ZNF90: variants seen among roughly 807,000 people sequenced by gnomAD.
ZNF90 encodes zinc finger protein 90.
Under a neutral mutation model 12.0 loss-of-function variants are expected in ZNF90, and 11 were observed. The observed-to-expected ratio is 0.92, with a 90% CI of 0.58 to 1.52. ZNF90 has a LOEUF of 1.52. ZNF90 is among the 40% of genes most tolerant of loss of function. ZNF90 has a pLI of 0.00. For synonymous variants in ZNF90, 232 were observed against 240.1 expected, an observed-to-expected ratio of 0.97 and a Z score of 0.31; for missense variants, 765 against 711.5, an observed-to-expected ratio of 1.08 and a Z score of -0.86.
chr19:20,098,602 G>A (rs958255368), intron 1 of ZNF90, among the ~76,000 whole-genome samples: 1 of 152,190 alleles, frequency 6.6e-6, no homozygotes, highest in Non-Finnish European at 1.5e-5. Context: ...GGAGATCCAG[G>A]TTCTGGAGCT....
intron 1 of ZNF90, among the ~76,000 whole-genome samples, chr19:20,093,471 G>C (rs868911461): frequency 3.3e-5 from 5 of 152,086 alleles, no homozygotes; most frequent in African/African-American, 9.7e-5. Context: ...GGGCTAAGGT[G>C]GGGGGATATG....
intron 1 of ZNF90, among the ~76,000 whole-genome samples, chr19:20,083,546 T>C (rs2088836950): frequency 6.6e-6 from 1 of 152,052 alleles, no homozygotes. Flanking sequence ...AGGATGGTCT[T>C]AAGCTCCCGA....
chr19:20,117,397 C>CTCCTTCCTTCCTTTCTTCCT (rs2089148480), intron 3 of ZNF90, among the ~76,000 whole-genome samples: 1 of 91,346 alleles, frequency 1.1e-5, no homozygotes, highest in Admixed American at 1.1e-4. Context: ...CTTTTCTTTT[C>CTCCTTCCTTCCTTTCTTCCT]TCCTTCCTTC....
At chr19:20,089,433 G>T (rs1384137699) in intron 1 of ZNF90, among the ~76,000 whole-genome samples, 1 of 152,164 alleles carries the variant, frequency 6.6e-6, no homozygotes. Context: ...GTAATATGCA[G>T]CTGGAAGGCT....
At chr19:20,103,169 C>T (rs1163522931) in intron 1 of ZNF90, among the ~76,000 whole-genome samples, 2 of 152,078 alleles carry the variant, frequency 1.3e-5, no homozygotes, top group African/African-American at 2.4e-5. Context: ...CTCTGGGAGC[C>T]CACGCTGTTT....
chr19:20,086,516 G>T (rs1459836424), intron 1 of ZNF90, among the ~76,000 whole-genome samples: 1 of 151,950 alleles, frequency 6.6e-6, no homozygotes, highest in Non-Finnish European at 1.5e-5. Flanking sequence ...GATTACAGGG[G>T]TGAGCCATAA....
At chr19:20,103,542 C>G (rs2122505531) in intron 1 of ZNF90, among the ~76,000 whole-genome samples, 1 of 152,328 alleles carries the variant, frequency 6.6e-6, no homozygotes, top group Non-Finnish European at 1.5e-5. Flanking sequence ...TAACAGATTT[C>G]TTTCACTATA....
chr19:20,114,559 G>C (rs1211682454), intron 3 of ZNF90, among the ~76,000 whole-genome samples: 1 of 151,982 alleles, frequency 6.6e-6, no homozygotes, highest in Non-Finnish European at 1.5e-5. Context: ...TAGAATATGT[G>C]TTGTATCATT....
intron 1 of ZNF90, among the ~76,000 whole-genome samples, chr19:20,081,564 C>T (rs1224749167): frequency 6.6e-6 from 1 of 152,214 alleles, no homozygotes; most frequent in Non-Finnish European, 1.5e-5. Context: ...CACCCCCAGA[C>T]ACTGAATCTG....
At chr19:20,101,313 C>T (rs904683336) in intron 1 of ZNF90, among the ~76,000 whole-genome samples, 7 of 152,176 alleles carry the variant, frequency 4.6e-5, no homozygotes, top group Non-Finnish European at 8.8e-5. Flanking sequence ...TAAGACTCAC[C>T]GCATGGCCCA....
chr19:20,090,449 C>T (rs1193834133), intron 1 of ZNF90, among the ~76,000 whole-genome samples: 3 of 152,080 alleles, frequency 2.0e-5, no homozygotes, highest in Admixed American at 6.5e-5. Flanking sequence ...AGGGATTAGG[C>T]TGGCTGTCCG....
intron 1 of ZNF90, among the ~76,000 whole-genome samples, chr19:20,102,600 A>G (rs2088998436): frequency 6.6e-6 from 1 of 152,132 alleles, no homozygotes; most frequent in African/African-American, 2.4e-5. Flanking sequence ...TTGAGTGCTC[A>G]TTTTCCCTGA....
chr19:20,098,205 C>G (rs2088963562), intron 1 of ZNF90, among the ~76,000 whole-genome samples: 2 of 152,082 alleles, frequency 1.3e-5, no homozygotes, highest in African/African-American at 2.4e-5. Flanking sequence ...TGGATCCTAC[C>G]TAGAATCTGT....
rs1174396589 is a variant in ZNF90, at chr19:20,106,049, T to TC, written c.226+733_226+734insC. On this transcript the variant is annotated intron_variant, in intron 3 of 3. Coordinates refer to ENST00000418063, the MANE Select transcript of ZNF90 (RefSeq NM_007138.2). Reference sequence around the variant, plus strand: ...TGGAACTTCTCTAATTTTTTCTTTTTTTTTTTTTTTTTTTTTTTGGTAAAG... The same window carrying TC: ...TGGAACTTCTCTAATTTTTTCTTTTTCTTTTTTTTTTTTTTTTTTGGTAAAG... Among the ~76,000 whole-genome samples the TC allele has an allele frequency of 5.4e-5, 7 of 130,432 alleles. No individual in the cohort carries two copies. In the East Asian group the frequency reaches 9.9e-4, roughly 18 times the overall value. 85.6% of individuals were successfully genotyped at this position (130,432 alleles called of 152,430 possible).
rs573197258 is a variant in ZNF90, at chr19:20,087,638, G to C, written c.3+9503G>C. ...CACACAAAAGGTGAGCTGTGCTCTG[G>C]GCTGTGCCTCAGTGGCAGATGGTAG... is the stretch of plus-strand genomic sequence containing the variant. On this transcript the variant is annotated intron_variant, in intron 1 of 3. Coordinates refer to ENST00000418063, the MANE Select transcript of ZNF90 (RefSeq NM_007138.2). 5 of 152,306 alleles carry C rather than the reference G, an allele frequency of 3.3e-5. No individual in the cohort carries two copies. In the South Asian group the frequency reaches 8.3e-4, roughly 25 times the overall value. 9.4% of individuals were successfully genotyped at this position (152,306 alleles called of 1,614,324 possible). A position where few individuals can be genotyped will look rare whatever the true frequency, so the allele number is the denominator to read the frequency against.
chr19:20,104,396 T>C, intron 2 of ZNF90, 31 bp downstream of exon 2: 2 of 1,595,166 alleles, frequency 1.3e-6, no homozygotes, highest in South Asian at 1.1e-5. Flanking sequence ...TAATTCATAA[T>C]ATACCCTAAA....
At chr19:20,101,057 C>T (rs2088985885) in intron 1 of ZNF90, among the ~76,000 whole-genome samples, 2 of 152,094 alleles carry the variant, frequency 1.3e-5, no homozygotes, top group African/African-American at 2.4e-5. Flanking sequence ...GTTACGGCTC[C>T]AGCTGAGCTT....
intron 2 of ZNF90, 59 bp from the exon 3 acceptor site, chr19:20,105,162 A>T: frequency 7.4e-7 from 1 of 1,347,682 alleles, no homozygotes; most frequent in Non-Finnish European, 1.0e-6. Flanking sequence ...TGAGCACAGT[A>T]CTAGCTTGTA....
At chr19:20,086,315 A>G (rs1257314323) in intron 1 of ZNF90, among the ~76,000 whole-genome samples, 1 of 147,296 alleles carries the variant, frequency 6.8e-6, no homozygotes, top group Non-Finnish European at 1.5e-5. Context: ...GCTCACTGCA[A>G]CCGCTGCCTC....
Sources: gnomAD v4.1 joint callset for allele counts (sites outside exome capture counted in the v4.1 genomes callset) on GRCh38, gnomAD v4.1.1 for gene constraint, MANE v1.5 for transcripts, NCBI Gene and HGNC (gene_info 2026-07-23, HGNC 2026-07-21) for gene names.